Variants in ADGRV1 observed in about 807,000 individuals in gnomAD.
ADGRV1 encodes the protein adhesion G protein-coupled receptor V1, also known as G-protein coupled receptor 98.
A neutral mutation model predicts 596.2 loss-of-function variants in ADGRV1; 359 were observed. That is an observed-to-expected ratio of 0.60 (90% confidence interval 0.55 to 0.66). The LOEUF is 0.66. Among genes scored for constraint, ADGRV1 ranks in the 30% least tolerant of loss-of-function variants. The pLI is 0.00. For missense variants in ADGRV1, 7,274 were observed against 7,575.6 expected, an observed-to-expected ratio of 0.96 and a Z score of 1.48; for synonymous variants, 2,681 against 2,679.2, an observed-to-expected ratio of 1.00 and a Z score of -0.02.
chr5:90,794,551 C>T (rs1760453881), intron 70 of ADGRV1, among the ~76,000 whole-genome samples: 1 of 152,164 alleles, frequency 6.6e-6, no homozygotes, highest in Admixed American at 6.5e-5. Flanking sequence ...TGCCATGTTG[C>T]TCCCTGTCTA....
chr5:90,992,440 C>T (rs183924143), intron 85 of ADGRV1, among the ~76,000 whole-genome samples: 1 of 152,328 alleles, frequency 6.6e-6, no homozygotes, highest in Non-Finnish European at 1.5e-5. Flanking sequence ...AGTTATATCT[C>T]TCTTGGCTTC....
chr5:90,667,129 C>T (rs1384608467), intron 21 of ADGRV1, among the ~76,000 whole-genome samples: 1 of 150,388 alleles, frequency 6.6e-6, no homozygotes, highest in African/African-American at 2.5e-5. Context: ...GTGGCGTTCT[C>T]TGTATTTCCT....
rs370252248 is a variant in ADGRV1 at position 90,684,190 on chromosome 5, G to A, written c.6269G>A (p.Arg2090His). The change falls in exon 28 of 90, where the codon CGT becomes CAT. Residue 2090 changes from arginine to histidine, a missense_variant. By Grantham distance (29) the Arg-to-His change is conservative (BLOSUM62 0). Coordinates refer to ENST00000405460, the MANE Select transcript of ADGRV1 (RefSeq NM_032119.4). ...NSTLVAKVQS[R>H]SIPNSPRLGP... Reference sequence around the variant, plus strand: ...ACTTTAGTAGCGAAAGTACAGAGTCGTTCAAGTAAGTATCCCTTAGTGTGT... The same window carrying A: ...ACTTTAGTAGCGAAAGTACAGAGTCATTCAAGTAAGTATCCCTTAGTGTGT... 8.3e-5 allele frequency: 133 copies of A among 1,606,532 alleles called. No homozygotes were observed. Among genetic ancestry groups the A allele is most frequent in the African/African-American group, 1.7e-4 (13 of 74,594 alleles).
chr5:90,978,295 A>AAATAAAT (rs1779795286), intron 84 of ADGRV1, among the ~76,000 whole-genome samples: 1 of 148,480 alleles, frequency 6.7e-6, no homozygotes, highest in Admixed American at 6.7e-5. Context: ...ACTTCATCTC[A>AAATAAAT]AAATAAATAA....
intron 21 of ADGRV1, among the ~76,000 whole-genome samples, chr5:90,658,946 GTCTT>G (rs1384971336): frequency 2.0e-5 from 3 of 152,162 alleles, no homozygotes; most frequent in Non-Finnish European, 1.5e-5. Context: ...AGGAACAAGA[GTCTT>G]TCTTTTTGCA....
rs375475055 is a variant in ADGRV1 at position 90,928,788 on chromosome 5, A to G, written c.17857-36627A>G. On this transcript the variant is annotated intron_variant, in intron 83 of 89. Coordinates refer to ENST00000405460, the MANE Select transcript of ADGRV1 (RefSeq NM_032119.4). ...TTATCTACTTTTGGTCTTTGATAAT[A>G]GTGATGTACAGATGGGTTTTTGGTG... is the stretch of plus-strand genomic sequence containing the variant. 1.0e-3 allele frequency among the ~76,000 whole-genome samples: 153 copies of G among 151,086 alleles called. 2 individuals are homozygous for G. The East Asian group carries it at 0.016, about 16-fold the overall frequency.
intron 82 of ADGRV1, among the ~76,000 whole-genome samples, chr5:90,857,648 A>G (rs1424325563): frequency 1.3e-5 from 2 of 152,106 alleles, no homozygotes; most frequent in Non-Finnish European, 2.9e-5. Context: ...TCCATGTCAT[A>G]TTGTTATGTA....
chr5:90,664,220 C>A (rs371621934), intron 21 of ADGRV1, among the ~76,000 whole-genome samples: 9,569 of 144,564 alleles, frequency 0.066, 324 homozygotes, highest in South Asian at 0.13. Context: ...GCCATTTTCA[C>A]GATATTGATT....
chr5:90,601,883 G>A (rs2152024876), intron 1 of ADGRV1, among the ~76,000 whole-genome samples: 1 of 152,310 alleles, frequency 6.6e-6, no homozygotes, highest in East Asian at 1.9e-4. Context: ...AGGAAATATA[G>A]TAAAAACCAG....
intron 59 of ADGRV1, among the ~76,000 whole-genome samples, chr5:90,771,019 A>G (rs565193955): frequency 7.9e-5 from 12 of 152,302 alleles, no homozygotes; most frequent in Middle Eastern, 6.8e-3. Context: ...TTTTCATTGC[A>G]TAGATTCCCC....
chr5:90,787,445 T>C (rs1005837556), intron 67 of ADGRV1, among the ~76,000 whole-genome samples: 6 of 152,130 alleles, frequency 3.9e-5, no homozygotes, highest in South Asian at 2.1e-4. Flanking sequence ...ATTGTACTTA[T>C]ATATTTTTAA....
chr5:91,147,730 G>T (rs2126880519), intron 87 of ADGRV1, among the ~76,000 whole-genome samples: 1 of 152,206 alleles, frequency 6.6e-6, no homozygotes, highest in Non-Finnish European at 1.5e-5. Context: ...ACAGTAAATG[G>T]GTACCTCAGA....
At chr5:91,036,104 AT>A (rs34362634) in intron 85 of ADGRV1, among the ~76,000 whole-genome samples, 55,631 of 151,432 alleles carry the variant, frequency 0.37, 10,269 homozygotes, top group East Asian at 0.51. Context: ...AATTCACAAT[AT>A]ACTTCACATA....
chr5:91,088,303 T>C (rs1364516408), intron 86 of ADGRV1, among the ~76,000 whole-genome samples: 1 of 152,140 alleles, frequency 6.6e-6, no homozygotes, highest in East Asian at 1.9e-4. Flanking sequence ...TTTCCCCCAA[T>C]GCCAGAGTAT....
chr5:90,855,108 G>A (rs979614831), intron 81 of ADGRV1, among the ~76,000 whole-genome samples: 4 of 152,146 alleles, frequency 2.6e-5, no homozygotes, highest in African/African-American at 9.7e-5. Context: ...TAAGGGAAGA[G>A]GCTCAAGTGA....
At chr5:90,566,823 T>A (rs1405460455) in intron 1 of ADGRV1, among the ~76,000 whole-genome samples, 1 of 152,150 alleles carries the variant, frequency 6.6e-6, no homozygotes, top group African/African-American at 2.4e-5. Flanking sequence ...CTTGCCTAAT[T>A]GTCCTGCCTA....
intron 85 of ADGRV1, among the ~76,000 whole-genome samples, chr5:91,036,025 A>G (rs1784884985): frequency 6.6e-6 from 1 of 151,476 alleles, no homozygotes; most frequent in African/African-American, 2.4e-5. Flanking sequence ...TATTGTAGAT[A>G]TGTGATGTTA....
chr5:90,865,928 G>A (rs2150470524), intron 83 of ADGRV1, among the ~76,000 whole-genome samples: 1 of 152,148 alleles, frequency 6.6e-6, no homozygotes, highest in East Asian at 1.9e-4. Flanking sequence ...CTTTCATTTG[G>A]GATCCTCTGT....
At chr5:90,823,665 C>T (rs960629061) in intron 76 of ADGRV1, 69 bp downstream of exon 76, 2 of 1,372,078 alleles carry the variant, frequency 1.5e-6, no homozygotes, top group Non-Finnish European at 2.0e-6. Context: ...CATTTTAAAA[C>T]CACTATTGAA....
Sources: gnomAD v4.1 joint callset for allele counts (sites outside exome capture counted in the v4.1 genomes callset) on GRCh38, gnomAD v4.1.1 for gene constraint, MANE v1.5 for transcripts, NCBI Gene and HGNC (gene_info 2026-07-23, HGNC 2026-07-21) for gene names.